The following PEBP4 variants were observed in gnomAD, a reference collection of about 807,000 sequenced individuals.
PEBP4 encodes phosphatidylethanolamine binding protein 4.
Under a neutral mutation model 23.9 loss-of-function variants are expected in PEBP4, and 22 were observed. The ratio of observed to expected loss-of-function variants is 0.92; its 90% CI spans 0.66 to 1.31. The LOEUF is 1.31. Ranked by LOEUF, PEBP4 falls within the 40% of genes most tolerant of loss-of-function variation. The pLI is 0.00. For missense variants in PEBP4, 324 were observed against 281.7 expected (o/e 1.15, Z -1.07); for synonymous variants, 112 against 99.3 (o/e 1.13, Z -0.76).
At chr8:22,886,767 C>T (rs946921281) in intron 3 of PEBP4, 1 of 152,618 alleles carries the variant, frequency 6.6e-6, no homozygotes. Flanking sequence ...GCCCACCTGG[C>T]TGGCAGCTGG....
At chr8:22,824,037 T>C (rs1309506612) in intron 3 of PEBP4, among the ~76,000 whole-genome samples, 2 of 145,628 alleles carry the variant, frequency 1.4e-5, no homozygotes, top group South Asian at 4.3e-4. Flanking sequence ...CTCTATAATG[T>C]CATTGTCTAT....
At position 22,751,632 on chromosome 8, in the gene PEBP4, G is replaced by C. The variant is rs56134550; in HGVS notation, c.358-24412C>G. On this transcript the variant is annotated intron_variant, in intron 4 of 6. Transcript: ENST00000256404. Reference sequence around the variant, plus strand: ...TGTCTGTGTGTGTGTGTGTGTCTCTGTGTGTGTGTGTGTGTGTGTGTGTGT... The same window carrying C: ...TGTCTGTGTGTGTGTGTGTGTCTCTCTGTGTGTGTGTGTGTGTGTGTGTGT... Among the ~76,000 whole-genome samples, 36 of 5,930 alleles carry C rather than the reference G, an allele frequency of 6.1e-3. No homozygotes were observed. The East Asian group carries it at 0.22, about 36-fold the overall frequency. 3.9% of individuals were successfully genotyped at this position (5,930 alleles called of 152,430 possible).
intron 3 of PEBP4, among the ~76,000 whole-genome samples, chr8:22,825,376 C>A (rs1806946952): frequency 6.6e-6 from 1 of 152,168 alleles, no homozygotes; most frequent in Non-Finnish European, 1.5e-5. Flanking sequence ...TAAGCATAGC[C>A]AAGACAGAAG....
At chr8:22,905,592 G>T (rs1189693286) in intron 3 of PEBP4, among the ~76,000 whole-genome samples, 2 of 152,156 alleles carry the variant, frequency 1.3e-5, no homozygotes, top group Non-Finnish European at 2.9e-5. Flanking sequence ...TTGGTTTTCT[G>T]TCCGCTGTTC....
intron 3 of PEBP4, among the ~76,000 whole-genome samples, chr8:22,887,495 G>A (rs893175216): frequency 5.9e-5 from 9 of 152,062 alleles, no homozygotes; most frequent in South Asian, 4.2e-4. Context: ...ACTGGGTGTG[G>A]TGGTCCATGC....
intron 4 of PEBP4, chr8:22,755,720 T>G (rs1455408221): frequency 6.6e-6 from 1 of 152,236 alleles, no homozygotes; most frequent in African/African-American, 2.4e-5. Flanking sequence ...ATTGTTCTTT[T>G]TTTTCAGCCA....
At chr8:22,908,811 A>G (rs1543019) in intron 3 of PEBP4, among the ~76,000 whole-genome samples, 142,083 of 152,268 alleles carry the variant, frequency 0.93, 66,752 homozygotes, top group Non-Finnish European at 0.98. Flanking sequence ...AATCCAGGGC[A>G]AGGTGTGAGA....
intron 4 of PEBP4, among the ~76,000 whole-genome samples, chr8:22,801,715 TGCATGCACAC>T (rs1247137640): frequency 2.0e-5 from 3 of 152,058 alleles, no homozygotes; most frequent in Non-Finnish European, 1.5e-5. Flanking sequence ...AATGCACACA[TGCATGCACAC>T]ACATGCACAC....
rs117264027 is a variant in PEBP4, at chr8:22,852,711, T to A, written c.259-34976A>T. Among the ~76,000 whole-genome samples the A allele has an allele frequency of 8.7e-3, 1,329 of 152,150 alleles. 18 individuals are homozygous for A. Among genetic ancestry groups the A allele is most frequent in the East Asian group, 0.063 (324 of 5,176 alleles). ...AATAAGAAAGAAAGAAAATGCTACA[T>A]CTGTTTCCATTTCAGTTGCTCACAT... On this transcript the variant is annotated intron_variant, in intron 3 of 6. Coordinates refer to ENST00000256404, the MANE Select transcript of PEBP4 (RefSeq NM_144962.3).
At chr8:22,812,226 G>A (rs1806646277) in intron 4 of PEBP4, among the ~76,000 whole-genome samples, 3 of 152,212 alleles carry the variant, frequency 2.0e-5, no homozygotes, top group Non-Finnish European at 4.4e-5. Flanking sequence ...GTCCTGGCAT[G>A]TGCTACCCAC....
At chr8:22,916,491 C>A (rs1288316258) in intron 3 of PEBP4, among the ~76,000 whole-genome samples, 2 of 152,098 alleles carry the variant, frequency 1.3e-5, no homozygotes, top group Non-Finnish European at 2.9e-5. Context: ...TCCCCACCCA[C>A]CCCCCAGCTC....
At chr8:22,823,552 T>A (rs999955194) in intron 3 of PEBP4, among the ~76,000 whole-genome samples, 1 of 151,768 alleles carries the variant, frequency 6.6e-6, no homozygotes, top group Non-Finnish European at 1.5e-5. Flanking sequence ...ACTATATATA[T>A]ATATCTTTAT....
chr8:22,788,669 T>C (rs1160236607), intron 4 of PEBP4, among the ~76,000 whole-genome samples: 1 of 152,270 alleles, frequency 6.6e-6, no homozygotes, highest in East Asian at 1.9e-4. Context: ...GTTATTCATA[T>C]GCTATGAATT....
chr8:22,814,741 A>G (rs1035296474), intron 4 of PEBP4, among the ~76,000 whole-genome samples: 3 of 152,152 alleles, frequency 2.0e-5, no homozygotes, highest in African/African-American at 7.2e-5. Context: ...CTGCTTGGGT[A>G]ATGATGGTAT....
intron 4 of PEBP4, among the ~76,000 whole-genome samples, chr8:22,799,755 C>T (rs1372374201): frequency 2.6e-5 from 4 of 152,104 alleles, no homozygotes; most frequent in Non-Finnish European, 5.9e-5. Context: ...ACCCTGTGTC[C>T]AAGTGTTCTC....
chr8:22,933,058 T>C (rs536469587), intron 1 of PEBP4, among the ~76,000 whole-genome samples: 1 of 150,508 alleles, frequency 6.6e-6, no homozygotes, highest in South Asian at 2.1e-4. Flanking sequence ...TTGTTCCACC[T>C]CCACTGCCAG....
intron 3 of PEBP4, among the ~76,000 whole-genome samples, chr8:22,857,271 C>CACAT (rs1554491958): frequency 6.7e-5 from 10 of 148,902 alleles, no homozygotes; most frequent in South Asian, 2.2e-4. Flanking sequence ...CACACACACA[C>CACAT]TTACTCACTC....
intron 1 of PEBP4, among the ~76,000 whole-genome samples, chr8:22,938,093 A>C (rs1205657782): frequency 6.6e-6 from 1 of 152,166 alleles, no homozygotes; most frequent in African/African-American, 2.4e-5. Context: ...CTCCATGAAA[A>C]TGGAAAACTT....
At chr8:22,919,551 G>A (rs1809154979) in intron 3 of PEBP4, among the ~76,000 whole-genome samples, 2 of 152,164 alleles carry the variant, frequency 1.3e-5, no homozygotes, top group African/African-American at 4.8e-5. Context: ...TCTTCCCCAG[G>A]CTTTCCAGAC....
Sources: gnomAD v4.1 joint callset for allele counts (sites outside exome capture counted in the v4.1 genomes callset) on GRCh38, gnomAD v4.1.1 for gene constraint, MANE v1.5 for transcripts, NCBI Gene and HGNC (gene_info 2026-07-23, HGNC 2026-07-21) for gene names.